LMX1A: variants seen among roughly 807,000 people sequenced by gnomAD.
LMX1A encodes the protein LIM homeobox transcription factor 1 alpha.
Under a neutral mutation model 49.1 loss-of-function variants are expected in LMX1A, and 15 were observed. The ratio of observed to expected loss-of-function variants is 0.31; its 90% confidence interval spans 0.20 to 0.47. The LOEUF (loss-of-function observed/expected upper bound fraction) is 0.47. LMX1A is among the 20% of genes least tolerant of loss of function. The probability of loss-of-function intolerance (pLI) is 1.00; values close to 1 mark genes in which losing one functional copy is unlikely to be tolerated. For synonymous variants in LMX1A, 167 were observed against 185.7 expected (o/e 0.90, Z 0.82); for missense variants, 372 against 475.8 (o/e 0.78, Z 2.03).
At chr1:165,311,172 G>A (rs1292987552) in intron 3 of LMX1A, among the ~76,000 whole-genome samples, 1 of 152,156 alleles carries the variant, frequency 6.6e-6, no homozygotes, top group African/African-American at 2.4e-5. Flanking sequence ...ATGCCTGACT[G>A]GAATTGGAGT....
chr1:165,234,009 C>T (rs1392519523), intron 4 of LMX1A, among the ~76,000 whole-genome samples: 1 of 152,216 alleles, frequency 6.6e-6, no homozygotes, highest in South Asian at 2.1e-4. Context: ...AATCCATCCT[C>T]CCCACTCCTC....
chr1:165,287,189 C>T (rs543277384), intron 3 of LMX1A, among the ~76,000 whole-genome samples: 28 of 152,304 alleles, frequency 1.8e-4, no homozygotes, highest in African/African-American at 6.5e-4. Flanking sequence ...GAGTGGGCTT[C>T]CTTCCATAAA....
At chr1:165,288,931 T>C (rs1217140672) in intron 3 of LMX1A, among the ~76,000 whole-genome samples, 5 of 152,204 alleles carry the variant, frequency 3.3e-5, no homozygotes, top group Non-Finnish European at 5.9e-5. Flanking sequence ...TTCCTTTAGA[T>C]TTAACTCCAT....
intron 4 of LMX1A, among the ~76,000 whole-genome samples, chr1:165,234,874 A>G (rs935909313): frequency 6.6e-6 from 1 of 152,240 alleles, no homozygotes; most frequent in Non-Finnish European, 1.5e-5. Flanking sequence ...AGAGTAGGCC[A>G]GAAAGTTAAT....
chr1:165,235,099 T>G (rs980538807), intron 4 of LMX1A, among the ~76,000 whole-genome samples: 1 of 152,148 alleles, frequency 6.6e-6, no homozygotes, highest in Non-Finnish European at 1.5e-5. Flanking sequence ...GGCCACCATT[T>G]ATTTACGCCC....
intron 4 of LMX1A, among the ~76,000 whole-genome samples, chr1:165,243,847 G>A (rs1652749591): frequency 6.6e-6 from 1 of 152,186 alleles, no homozygotes. Context: ...TTGACAAAAA[G>A]CTACTAAAAT....
At chr1:165,253,739 G>C (rs886958181) in intron 3 of LMX1A, among the ~76,000 whole-genome samples, 1 of 152,178 alleles carries the variant, frequency 6.6e-6, no homozygotes, top group African/African-American at 2.4e-5. Flanking sequence ...CTTCAGAAAG[G>C]AAGTGAAATT....
intron 4 of LMX1A, among the ~76,000 whole-genome samples, chr1:165,219,690 G>A (rs1348561179): frequency 6.6e-6 from 1 of 152,148 alleles, no homozygotes; most frequent in African/African-American, 2.4e-5. Context: ...GTTCTTCAAG[G>A]GAGTTTCTAC....
intron 3 of LMX1A, among the ~76,000 whole-genome samples, chr1:165,295,788 T>C (rs888349511): frequency 9.9e-5 from 15 of 152,194 alleles, no homozygotes; most frequent in Non-Finnish European, 2.2e-4. Flanking sequence ...CTCAGTCACA[T>C]GCCCAGGAGA....
chr1:165,260,991 T>C (rs1653416329), intron 3 of LMX1A, among the ~76,000 whole-genome samples: 1 of 152,196 alleles, frequency 6.6e-6, no homozygotes, highest in South Asian at 2.1e-4. Flanking sequence ...TGTGATCTTA[T>C]TCAATTACAT....
intron 4 of LMX1A, among the ~76,000 whole-genome samples, chr1:165,228,621 A>G (rs140059502): frequency 1.3e-5 from 2 of 152,354 alleles, no homozygotes; most frequent in African/African-American, 4.8e-5. Flanking sequence ...AAACTAAGTT[A>G]GCTCAAATCA....
At chr1:165,274,189 G>A (rs1424923736) in intron 3 of LMX1A, among the ~76,000 whole-genome samples, 2 of 152,062 alleles carry the variant, frequency 1.3e-5, no homozygotes, top group Non-Finnish European at 2.9e-5. Context: ...TACCTTTCAG[G>A]TCCAACTATG....
chr1:165,204,230 A>C (rs986985614), intron 8 of LMX1A, among the ~76,000 whole-genome samples, 190 bp from the exon 9 acceptor site: 8 of 152,212 alleles, frequency 5.3e-5, no homozygotes, highest in Admixed American at 2.6e-4. Context: ...CTAAACCAGG[A>C]TATGACAAAG....
intron 3 of LMX1A, among the ~76,000 whole-genome samples, chr1:165,258,082 A>T (rs1653308815): frequency 6.6e-6 from 1 of 152,182 alleles, no homozygotes; most frequent in Non-Finnish European, 1.5e-5. Flanking sequence ...ACAAGGCAGG[A>T]ATCTGTGTAT....
At chr1:165,246,717 A>C (rs1303077014) in intron 4 of LMX1A, among the ~76,000 whole-genome samples, 5 of 152,234 alleles carry the variant, frequency 3.3e-5, no homozygotes, top group Admixed American at 3.3e-4. Context: ...GGCAACAATT[A>C]TGTCCTCATT....
At chr1:165,248,910 G>A (rs1652954087) in intron 4 of LMX1A, among the ~76,000 whole-genome samples, 1 of 152,224 alleles carries the variant, frequency 6.6e-6, no homozygotes, top group South Asian at 2.1e-4. Flanking sequence ...TAGCAGACAT[G>A]ATGTGTGCAG....
chr1:165,278,339 T>C (rs1379419430), intron 3 of LMX1A, among the ~76,000 whole-genome samples: 1 of 152,240 alleles, frequency 6.6e-6, no homozygotes, highest in Non-Finnish European at 1.5e-5. Flanking sequence ...AATCAAGAGC[T>C]GTGTCTGGGA....
intron 4 of LMX1A, among the ~76,000 whole-genome samples, chr1:165,214,901 T>C (rs1425033688): frequency 1.3e-5 from 2 of 152,238 alleles, no homozygotes; most frequent in Non-Finnish European, 2.9e-5. Flanking sequence ...AAATCTCTAG[T>C]ATACGTCACT....
chr1:165,267,648 A>G (rs2101692318), intron 3 of LMX1A, among the ~76,000 whole-genome samples: 1 of 152,324 alleles, frequency 6.6e-6, no homozygotes, highest in Admixed American at 6.5e-5. Flanking sequence ...GAAATACCCC[A>G]GGTAAGAGAT....
Sources: allele counts gnomAD v4.1 joint callset (sites outside exome capture counted in the v4.1 genomes callset), GRCh38; gene constraint gnomAD v4.1.1; transcripts MANE v1.5; gene names NCBI Gene and HGNC (gene_info 2026-07-23, HGNC 2026-07-21).